The following NOL3 variants were observed in gnomAD, a reference collection of about 807,000 sequenced individuals.
The protein encoded by NOL3 is muscle-enriched cytoplasmic protein.
NOL3 carries 18 observed loss-of-function variants against 19.2 expected under a neutral mutation model. That is an observed-to-expected ratio of 0.94 (90% CI 0.65 to 1.39). The LOEUF is 1.39. NOL3 is among the 40% of genes most tolerant of loss of function. The pLI, the probability that NOL3 is intolerant of heterozygous loss-of-function variation, is 0.00. For missense variants in NOL3, 290 were observed against 289.5 expected, an observed-to-expected ratio of 1.00 and a Z score of -0.01; for synonymous variants, 127 against 137.3, an observed-to-expected ratio of 0.93 and a Z score of 0.52.
chr16:67,173,819 C>CG lies in NOL3; in HGVS notation c.-8-338dup, dbSNP rs753995113. 17 of 1,497,508 alleles carry CG rather than the reference C, an allele frequency of 1.1e-5. No individual in the cohort carries two copies. In the South Asian group the frequency reaches 1.3e-4, roughly 12 times the overall value. The allele number at this position is 1,497,508 out of a possible 1,614,324, so 92.8% of individuals were successfully genotyped here. ...GGGTCTGAACTCGCCTCGGATTTGC[C>CG]GGGGGTGGAGCTCAGGACGTCCTGG... On this transcript the variant is annotated intron_variant, in intron 1 of 3. Transcript: ENST00000268605.
At chr16:67,174,085 T>A (rs1403238219) in intron 1 of NOL3, 77 bp from the exon 2 acceptor site, 3 of 1,595,338 alleles carry the variant, frequency 1.9e-6, no homozygotes, top group Non-Finnish European at 2.6e-6. Context: ...ACTGGGGGCA[T>A]TGAGGGAGTG....
chr16:67,174,688 G>T, exon 3 of NOL3: 1 of 1,597,094 alleles, frequency 6.3e-7, no homozygotes, highest in Non-Finnish European at 8.5e-7. Context: ...CCGGCTCGGG[G>T]ACCACATGCC....
intron 1 of NOL3, chr16:67,172,736 C>T (rs2145944397): frequency 6.6e-6 from 1 of 151,680 alleles, no homozygotes; most frequent in East Asian, 1.9e-4. Flanking sequence ...GTAATCCCAG[C>T]ACTTTGGAAG....
intron 1 of NOL3, chr16:67,171,383 G>C (rs548772354): frequency 3.3e-5 from 5 of 152,282 alleles, no homozygotes; most frequent in Admixed American, 6.5e-5. Flanking sequence ...ATAGGTCCAC[G>C]GAGCGGAGGG....
chr16:67,173,520 G>C (rs2031897836), intron 1 of NOL3, among the ~76,000 whole-genome samples: 1 of 152,156 alleles, frequency 6.6e-6, no homozygotes, highest in Non-Finnish European at 1.5e-5. Context: ...AGAGGGGCAG[G>C]GAGGCTCTCA....
At chr16:67,174,493 G>A in intron 2 of NOL3, 29 bp downstream of exon 2, 1 of 1,471,390 alleles carries the variant, frequency 6.8e-7, no homozygotes, top group Non-Finnish European at 8.9e-7. Context: ...GCCTAGGGCA[G>A]AGCAGGGACG....
At chr16:67,173,428 G>A (rs2031891208) in intron 1 of NOL3, among the ~76,000 whole-genome samples, 1 of 152,200 alleles carries the variant, frequency 6.6e-6, no homozygotes, top group African/African-American at 2.4e-5. Context: ...CATTGGGGTT[G>A]CACTATGGTG....
At chr16:67,174,534 G>C in intron 2 of NOL3, 70 bp downstream of exon 2, 1 of 1,476,014 alleles carries the variant, frequency 6.8e-7, no homozygotes, top group Non-Finnish European at 8.9e-7. Context: ...CCCGGGGAGG[G>C]CAGGGTTGTC....
chr16:67,174,284 G>A, exon 2 of NOL3: 1 of 1,611,448 alleles, frequency 6.2e-7, no homozygotes, highest in Non-Finnish European at 8.5e-7. Context: ...GGCGCGGGGC[G>A]TGCTCACCGG....
At chr16:67,172,135 A>T (rs2031799853) in intron 1 of NOL3, 1 of 151,770 alleles carries the variant, frequency 6.6e-6, no homozygotes, top group African/African-American at 2.4e-5. Flanking sequence ...CAGCAAAGGG[A>T]AGAAGAGATG....
intron 1 of NOL3, chr16:67,173,854 G>A (rs2031922496): frequency 7.8e-6 from 12 of 1,533,570 alleles, no homozygotes; most frequent in African/African-American, 2.7e-5. Flanking sequence ...GTTGGGGAGG[G>A]CATTCAGAGA....
rs367640749 is a variant in NOL3 at position 67,174,878 on chromosome 16, C to T, written c.553C>T (p.Pro185Ser). The change falls in exon 3 of 4, where the codon CCG becomes TCG. Residue 185 changes from proline to serine, a missense_variant. Physicochemically the swap from Pro to Ser is moderately conservative, Grantham distance 74. Transcript: ENST00000268605. ...ACCCGAGGCTGAAGCAGAACCAGAGCCGGAACTGGAGCCAGAACCGGACCC... is the reference window on the plus strand; with the variant it reads ...ACCCGAGGCTGAAGCAGAACCAGAGTCGGAACTGGAGCCAGAACCGGACCC... 12 of 1,612,186 alleles carry T rather than the reference C, an allele frequency of 7.4e-6. No individual in the cohort carries two copies. Among genetic ancestry groups the T allele is most frequent in the Non-Finnish European group, 9.3e-6 (11 of 1,179,116 alleles).
At chr16:67,172,009 T>A (rs531381516) in intron 1 of NOL3, 1 of 152,176 alleles carries the variant, frequency 6.6e-6, no homozygotes, top group African/African-American at 2.4e-5. Flanking sequence ...GGAGGTATAG[T>A]GTGACACCAG....
At chr16:67,175,365 A>C (rs1429043485) in exon 4 of NOL3, 5 of 1,275,752 alleles carry the variant, frequency 3.9e-6, no homozygotes, top group Admixed American at 3.8e-5. Flanking sequence ...CTAGCCCCCT[A>C]GTGGGACAAG....
exon 4 of NOL3, chr16:67,175,056 G>C: frequency 6.2e-7 from 1 of 1,614,260 alleles, no homozygotes; most frequent in Non-Finnish European, 8.5e-7. Context: ...GATTCCTGAA[G>C]GCCAGAGCTC....
exon 2 of NOL3, chr16:67,174,281 G>A: frequency 6.2e-7 from 1 of 1,611,740 alleles, no homozygotes. Flanking sequence ...GCTGGCGCGG[G>A]GCGTGCTCAC....
chr16:67,174,563 C>T, intron 2 of NOL3, 58 bp from the exon 3 acceptor site: 1 of 1,503,068 alleles, frequency 6.7e-7, no homozygotes, highest in Non-Finnish European at 8.8e-7. Flanking sequence ...TAGAAGTAGG[C>T]GAGTGTGAAA....
chr16:67,175,459 C>T (rs572482628), exon 4 of NOL3: 47 of 575,632 alleles, frequency 8.2e-5, no homozygotes, highest in Admixed American at 1.5e-4. Context: ...CTCAACCCCA[C>T]GCAAGTTCCT....
chr16:67,174,102 G>C, intron 1 of NOL3, 60 bp from the exon 2 acceptor site: 1 of 1,599,028 alleles, frequency 6.3e-7, no homozygotes, highest in Non-Finnish European at 8.5e-7. Flanking sequence ...AGTGGTCAGA[G>C]GCGGCGAGGG....
Sources: allele counts gnomAD v4.1 joint callset (sites outside exome capture counted in the v4.1 genomes callset), GRCh38; gene constraint gnomAD v4.1.1; transcripts MANE v1.5; gene names NCBI Gene and HGNC (gene_info 2026-07-23, HGNC 2026-07-21).